SGCZ: variants seen among roughly 807,000 people sequenced by gnomAD.
The protein encoded by SGCZ is sarcoglycan zeta.
In SGCZ, 40 loss-of-function variants were observed where a neutral mutation model predicts 41.3. That is an observed-to-expected ratio of 0.97 (90% CI 0.75 to 1.26). The LOEUF is 1.26. Ranked by LOEUF, SGCZ falls within the 50% of genes most tolerant of loss-of-function variation. The pLI is 0.00. For synonymous variants in SGCZ, 206 were observed against 137.5 expected, an observed-to-expected ratio of 1.50 and a Z score of -3.49; for missense variants, 552 against 369.8, an observed-to-expected ratio of 1.49 and a Z score of -4.04.
At chr8:14,258,465 G>A (rs1350961921) in intron 3 of SGCZ, among the ~76,000 whole-genome samples, 4 of 152,084 alleles carry the variant, frequency 2.6e-5, no homozygotes, top group African/African-American at 7.2e-5. Flanking sequence ...TGGACTAACT[G>A]TAGAAATTCA....
At chr8:14,884,915 G>A (rs141414547) in intron 1 of SGCZ, among the ~76,000 whole-genome samples, 8 of 152,112 alleles carry the variant, frequency 5.3e-5, no homozygotes, top group South Asian at 4.2e-4. Flanking sequence ...AGACAGGCGC[G>A]TGTGTGTCCC....
chr8:14,094,293 C>T (rs1156302278), intron 7 of SGCZ, among the ~76,000 whole-genome samples: 1 of 151,876 alleles, frequency 6.6e-6, no homozygotes, highest in Non-Finnish European at 1.5e-5. Context: ...CCTCCCCTAG[C>T]CCCCCCATGC....
chr8:14,165,340 A>G (rs2116986393), intron 4 of SGCZ: 1 of 152,334 alleles, frequency 6.6e-6, no homozygotes, highest in African/African-American at 2.4e-5. Flanking sequence ...ACGGTATTAA[A>G]TAAATGTAAT....
intron 1 of SGCZ, among the ~76,000 whole-genome samples, chr8:15,089,105 T>G: frequency 6.6e-6 from 1 of 152,228 alleles, no homozygotes; most frequent in African/African-American, 2.4e-5. Context: ...CGTTAAAATG[T>G]TGGTTTATGG....
chr8:14,363,645 G>T (rs971723685), intron 2 of SGCZ, among the ~76,000 whole-genome samples: 5 of 152,050 alleles, frequency 3.3e-5, no homozygotes, highest in African/African-American at 1.2e-4. Context: ...AAAGTAAGGA[G>T]CATTCAATCC....
intron 1 of SGCZ, among the ~76,000 whole-genome samples, chr8:14,666,571 C>T (rs537782155): frequency 1.5e-4 from 23 of 151,426 alleles, no homozygotes; most frequent in Admixed American, 3.3e-4. Flanking sequence ...TGGCTTTTTT[C>T]TGTAGATAAA....
chr8:14,973,510 G>A (rs1210452175), intron 1 of SGCZ, among the ~76,000 whole-genome samples: 2 of 152,092 alleles, frequency 1.3e-5, no homozygotes, highest in Non-Finnish European at 2.9e-5. Flanking sequence ...CCGTTTAACT[G>A]TGTGCAGTTT....
At chr8:14,849,594 T>C (rs1011536297) in intron 1 of SGCZ, among the ~76,000 whole-genome samples, 2 of 152,110 alleles carry the variant, frequency 1.3e-5, no homozygotes, top group Admixed American at 1.3e-4. Context: ...AAATGCAAAC[T>C]AATCTATCAC....
chr8:15,031,029 A>C (rs1937386886), intron 1 of SGCZ, among the ~76,000 whole-genome samples: 1 of 151,926 alleles, frequency 6.6e-6, no homozygotes, highest in Non-Finnish European at 1.5e-5. Context: ...ATTTTATTTT[A>C]GTTTGTTTCA....
chr8:14,503,632 G>C (rs1334568163), intron 2 of SGCZ, among the ~76,000 whole-genome samples: 1 of 151,990 alleles, frequency 6.6e-6, no homozygotes, highest in Non-Finnish European at 1.5e-5. Flanking sequence ...GCTGGGCGTG[G>C]TGGCCTGTGC....
chr8:14,948,436 A>G (rs1358768902), intron 1 of SGCZ, among the ~76,000 whole-genome samples: 2 of 151,944 alleles, frequency 1.3e-5, no homozygotes, highest in Admixed American at 6.6e-5. Flanking sequence ...AACTACTTTG[A>G]AAAGATTGTC....
At chr8:14,378,005 T>C (rs1324722081) in intron 2 of SGCZ, among the ~76,000 whole-genome samples, 11 of 149,730 alleles carry the variant, frequency 7.3e-5, no homozygotes, top group Non-Finnish European at 1.6e-4. Flanking sequence ...TGCATGTGTC[T>C]TTATAGCAGC....
intron 1 of SGCZ, among the ~76,000 whole-genome samples, chr8:14,724,610 T>C (rs1809993416): frequency 6.6e-6 from 1 of 151,784 alleles, no homozygotes; most frequent in Non-Finnish European, 1.5e-5. Context: ...TTAATATAAA[T>C]AATCAGAGTG....
intron 1 of SGCZ, among the ~76,000 whole-genome samples, chr8:14,662,429 G>C (rs1807785553): frequency 6.6e-6 from 1 of 152,122 alleles, no homozygotes; most frequent in Admixed American, 6.6e-5. Context: ...CCCTTGTGAG[G>C]CTCCTAATGA....
intron 1 of SGCZ, among the ~76,000 whole-genome samples, chr8:14,750,426 C>T (rs1046212719): frequency 2.0e-5 from 3 of 152,082 alleles, no homozygotes; most frequent in Admixed American, 6.5e-5. Flanking sequence ...TAGGAAGGGA[C>T]AATTTTTCCT....
intron 1 of SGCZ, among the ~76,000 whole-genome samples, chr8:15,197,729 C>T (rs1236364523): frequency 6.6e-6 from 1 of 152,052 alleles, no homozygotes; most frequent in Non-Finnish European, 1.5e-5. Flanking sequence ...CAGGGGGAGG[C>T]AAGGTCTAAA....
At chr8:15,075,225 C>CA (rs11317842) in intron 1 of SGCZ, among the ~76,000 whole-genome samples, 1,816 of 149,590 alleles carry the variant, frequency 0.012, 27 homozygotes, top group African/African-American at 0.031. Context: ...AGTAGTCAGA[C>CA]AAAAAAAAAA....
intron 2 of SGCZ, among the ~76,000 whole-genome samples, chr8:14,370,100 A>G (rs1370964727): frequency 6.6e-6 from 1 of 151,958 alleles, no homozygotes; most frequent in Non-Finnish European, 1.5e-5. Flanking sequence ...TAGTGGTAAG[A>G]TGAAGGGGTA....
At chr8:14,551,445 C>CATATATATATA (rs1395500427) in intron 2 of SGCZ, among the ~76,000 whole-genome samples, 1 of 24,712 alleles carries the variant, frequency 4.0e-5, no homozygotes, top group Non-Finnish European at 8.4e-5. Context: ...TCAACTATTT[C>CATATATATATA]ATATATATAT....
Sources: allele counts gnomAD v4.1 joint callset (sites outside exome capture counted in the v4.1 genomes callset), GRCh38; gene constraint gnomAD v4.1.1; transcripts MANE v1.5; gene names NCBI Gene and HGNC (gene_info 2026-07-23, HGNC 2026-07-21).